The following DCC variants were observed in gnomAD, a reference collection of about 807,000 sequenced individuals.
DCC encodes netrin receptor DCC.
In DCC, 58 loss-of-function variants were observed where a neutral mutation model predicts 172.5. That is an observed-to-expected ratio of 0.34 (90% CI 0.27 to 0.42). The LOEUF is 0.42. DCC is among the 10% of genes least tolerant of loss of function. The probability of loss-of-function intolerance (pLI) is 1.00; values close to 1 mark genes in which losing one functional copy is unlikely to be tolerated. For missense variants in DCC, 1,740 were observed against 1,791.0 expected (o/e 0.97, Z 0.51); for synonymous variants, 709 against 644.5 (o/e 1.10, Z -1.52).
intron 3 of DCC, among the ~76,000 whole-genome samples, chr18:52,917,539 CCTCAA>C (rs2040060535): frequency 6.6e-6 from 1 of 152,086 alleles, no homozygotes; most frequent in Admixed American, 6.6e-5. Context: ...GACTGGTCAT[CCTCAA>C]CTCAGGTAAC....
At chr18:53,454,783 A>G (rs1334249613) in intron 23 of DCC, among the ~76,000 whole-genome samples, 1 of 152,186 alleles carries the variant, frequency 6.6e-6, no homozygotes. Flanking sequence ...TTTAACTATT[A>G]TAGGTCACTT....
intron 5 of DCC, chr18:52,941,060 A>G (rs573775885): frequency 6.6e-6 from 1 of 152,242 alleles, no homozygotes; most frequent in Admixed American, 6.5e-5. Flanking sequence ...GATGGGTGAA[A>G]AGGGACACAA....
In DCC at chr18:52,946,864, C is replaced by A. The variant is rs1301900068; in HGVS notation, c.985+21494C>A. Reference sequence around the variant, plus strand: ...GTGAGGTGCAAAATTTAAGAGGTGCCAAAAATCTCGTAATAAAGATACATA... The same window carrying A: ...GTGAGGTGCAAAATTTAAGAGGTGCAAAAAATCTCGTAATAAAGATACATA... On this transcript the variant is annotated intron_variant, in intron 5 of 28. Coordinates refer to ENST00000442544, the MANE Select transcript of DCC (RefSeq NM_005215.4). 3.3e-5 allele frequency among the ~76,000 whole-genome samples: 5 copies of A among 151,990 alleles called. No homozygotes were observed. The South Asian group carries it at 1.0e-3, about 32-fold the overall frequency.
intron 5 of DCC, among the ~76,000 whole-genome samples, chr18:52,942,420 G>A (rs2040478417): frequency 6.6e-6 from 1 of 152,074 alleles, no homozygotes. Flanking sequence ...TGTTTTAGGT[G>A]TGTCTTTTAA....
In DCC at chr18:53,535,006, G is replaced by T. The variant is rs532065341; in HGVS notation, c.*4353G>T. 2.0e-5 allele frequency: 3 copies of T among 152,320 alleles called. No individual in the cohort carries two copies. The highest frequency in any genetic ancestry group is 1.9e-4 in the East Asian group (1 of 5,172). The allele number at this position is 152,320 out of a possible 1,614,324, so 9.4% of individuals were successfully genotyped here. A position where few individuals can be genotyped will look rare whatever the true frequency, so the allele number is the denominator to read the frequency against. ...TCTGCAAGATTTAATAAACACAGGGGCATGGGCCAAGGGATCTCACTGTGT... is the reference window on the plus strand; with the variant it reads ...TCTGCAAGATTTAATAAACACAGGGTCATGGGCCAAGGGATCTCACTGTGT... On this transcript the variant is annotated 3_prime_UTR_variant, in exon 29 of 29. Coordinates refer to ENST00000442544, the MANE Select transcript of DCC (RefSeq NM_005215.4).
chr18:52,911,914 G>A (rs905906676), intron 3 of DCC, among the ~76,000 whole-genome samples: 4 of 151,894 alleles, frequency 2.6e-5, no homozygotes, highest in African/African-American at 9.7e-5. Flanking sequence ...TGAAGTATAT[G>A]ATCTTATTGT....
intron 5 of DCC, among the ~76,000 whole-genome samples, chr18:53,025,289 TA>T (rs1568252777): frequency 6.6e-6 from 1 of 152,042 alleles, no homozygotes; most frequent in Non-Finnish European, 1.5e-5. Flanking sequence ...TTGGTAGGAA[TA>T]AAAAAATAAA....
At chr18:53,193,297 C>A (rs1293427287) in intron 9 of DCC, among the ~76,000 whole-genome samples, 3 of 151,994 alleles carry the variant, frequency 2.0e-5, no homozygotes, top group Non-Finnish European at 4.4e-5. Flanking sequence ...CCTCCCTGCA[C>A]CTTAGGGTCC....
intron 1 of DCC, among the ~76,000 whole-genome samples, chr18:52,349,083 A>G (rs1441300560): frequency 2.0e-5 from 3 of 152,158 alleles, no homozygotes; most frequent in Non-Finnish European, 2.9e-5. Flanking sequence ...ATTTGGGTAT[A>G]TTTCCAACAT....
intron 2 of DCC, among the ~76,000 whole-genome samples, chr18:52,775,215 G>C (rs1002923336): frequency 6.6e-6 from 1 of 151,944 alleles, no homozygotes; most frequent in Non-Finnish European, 1.5e-5. Flanking sequence ...TTTCTTCACT[G>C]CCTCACTGCT....
intron 4 of DCC, 150 bp downstream of exon 4, chr18:52,924,007 T>C: frequency 2.9e-6 from 2 of 689,080 alleles, no homozygotes; most frequent in South Asian, 1.6e-5. Flanking sequence ...ATGATACAGT[T>C]ATATGAAAGA....
At chr18:53,031,617 T>G (rs1239495305) in intron 5 of DCC, among the ~76,000 whole-genome samples, 1 of 151,992 alleles carries the variant, frequency 6.6e-6, no homozygotes, top group Admixed American at 6.6e-5. Flanking sequence ...AAAGGGAGAT[T>G]AATAGAACTA....
Position 52,894,415 on chromosome 18 carries a change from A to G in DCC, c.413-11629A>G, listed in dbSNP as rs958836423. 4.6e-5 allele frequency among the ~76,000 whole-genome samples: 7 copies of G among 151,080 alleles called. No individual in the cohort carries two copies. The East Asian group carries it at 7.7e-4, about 17-fold the overall frequency. On this transcript the variant is annotated intron_variant, in intron 2 of 28. Transcript: ENST00000442544. ...GACACATACACACACACACACACAC[A>G]CACATGCATACACACAATATAAGTA...
At chr18:53,044,726 AACTTG>A (rs1480510204) in intron 5 of DCC, among the ~76,000 whole-genome samples, 14 of 152,064 alleles carry the variant, frequency 9.2e-5, no homozygotes, top group African/African-American at 3.1e-4. Context: ...AGTAACTCAT[AACTTG>A]ACTTCTAAAT....
intron 1 of DCC, among the ~76,000 whole-genome samples, chr18:52,625,473 T>C (rs2034556467): frequency 6.6e-6 from 1 of 152,186 alleles, no homozygotes; most frequent in Admixed American, 6.5e-5. Flanking sequence ...CAATCTTTCA[T>C]TTGGGAACTA....
chr18:53,321,149 G>A (rs941599579), intron 13 of DCC, among the ~76,000 whole-genome samples: 2 of 152,042 alleles, frequency 1.3e-5, no homozygotes, highest in African/African-American at 2.4e-5. Context: ...CTTTTATTAT[G>A]CATTTTTTTC....
chr18:52,818,846 C>T (rs2038351856), intron 2 of DCC, among the ~76,000 whole-genome samples: 1 of 152,180 alleles, frequency 6.6e-6, no homozygotes, highest in African/African-American at 2.4e-5. Flanking sequence ...TCATTACCTC[C>T]ATGACAGTGG....
chr18:53,226,325 G>A (rs1469784786), intron 12 of DCC, among the ~76,000 whole-genome samples: 2 of 152,210 alleles, frequency 1.3e-5, no homozygotes, highest in Admixed American at 6.5e-5. Context: ...GAAACTGAAA[G>A]TTTTGGTTCT....
At chr18:53,211,714 A>G (rs1351606270) in intron 11 of DCC, among the ~76,000 whole-genome samples, 1 of 151,888 alleles carries the variant, frequency 6.6e-6, no homozygotes, top group Non-Finnish European at 1.5e-5. Flanking sequence ...ACAGAGCGAG[A>G]CTCTGTCTCA....
Sources: gnomAD v4.1 joint callset for allele counts (sites outside exome capture counted in the v4.1 genomes callset) on GRCh38, gnomAD v4.1.1 for gene constraint, MANE v1.5 for transcripts, NCBI Gene and HGNC (gene_info 2026-07-23, HGNC 2026-07-21) for gene names.